Variants in LINGO1 observed in about 807,000 individuals in gnomAD.
LINGO1 encodes the protein leucine rich repeat and Ig domain containing 1.
Under a neutral mutation model 37.3 loss-of-function variants are expected in LINGO1, and 11 were observed. That is an observed-to-expected ratio of 0.29 (90% CI 0.19 to 0.49). LINGO1 has a LOEUF of 0.49. Ranked by LOEUF, LINGO1 falls within the 20% of genes least tolerant of loss-of-function variation. The pLI is 0.99. For missense variants in LINGO1, 585 were observed against 878.2 expected (o/e 0.67, Z 4.22); for synonymous variants, 387 against 403.0 (o/e 0.96, Z 0.48).
At chr15:77,692,890 C>T (rs2075628527) in intron 1 of LINGO1, among the ~76,000 whole-genome samples, 2 of 152,248 alleles carry the variant, frequency 1.3e-5, no homozygotes, top group Middle Eastern at 6.3e-3. Flanking sequence ...GCAACGGAGG[C>T]CCAAAAGGTG....
chr15:77,675,533 T>C (rs1325530957), intron 3 of LINGO1, among the ~76,000 whole-genome samples: 1 of 152,144 alleles, frequency 6.6e-6, no homozygotes. Context: ...ATATAACTAA[T>C]ATGAGCCCAT....
chr15:77,615,109 C>G lies in LINGO1; in HGVS notation c.798G>C (p.Thr266=). Residue 266 remains threonine, a synonymous_variant, in exon 2 of 2, where the codon ACG becomes ACC. Transcript: ENST00000355300. ...TPNCLYGLNL[T]SLSITHCNLT... ...GATTGCAGTGTGTGATGGACAGGGACGTCAGGTTGAGGCCGTAGAGGCAGT... is the reference window on the plus strand; with the variant it reads ...GATTGCAGTGTGTGATGGACAGGGAGGTCAGGTTGAGGCCGTAGAGGCAGT... The G allele has an allele frequency of 6.2e-7, 1 of 1,613,972 alleles. No individual in the cohort carries two copies. The highest frequency in any genetic ancestry group is 8.5e-7 in the Non-Finnish European group (1 of 1,179,882).
At chr15:77,777,675 C>T (rs1255677321) in intron 1 of LINGO1, among the ~76,000 whole-genome samples, 1 of 152,150 alleles carries the variant, frequency 6.6e-6, no homozygotes, top group South Asian at 2.1e-4. Flanking sequence ...GCCTGTAATC[C>T]TAGCACTTTG....
chr15:77,806,996 T>A (rs764388134), intron 1 of LINGO1, among the ~76,000 whole-genome samples: 1 of 152,132 alleles, frequency 6.6e-6, no homozygotes, highest in Non-Finnish European at 1.5e-5. Context: ...AAGCTCTCCC[T>A]AGTAGCTCAG....
chr15:77,647,637 C>G (rs914688472), intron 3 of LINGO1, among the ~76,000 whole-genome samples: 1 of 152,166 alleles, frequency 6.6e-6, no homozygotes, highest in African/African-American at 2.4e-5. Flanking sequence ...CAGGTCAGAG[C>G]AGGGGCTGGG....
At chr15:77,622,271 AAGAG>A (rs957515712) in intron 1 of LINGO1, among the ~76,000 whole-genome samples, 2 of 151,708 alleles carry the variant, frequency 1.3e-5, no homozygotes, top group Non-Finnish European at 2.9e-5. Context: ...AGAGGAGAGG[AAGAG>A]AGAGGCAGAG....
At chr15:77,763,064 C>T (rs138222278) in intron 1 of LINGO1, among the ~76,000 whole-genome samples, 106 of 152,132 alleles carry the variant, frequency 7.0e-4, no homozygotes, top group African/African-American at 2.4e-3. Flanking sequence ...CGCCCTCGCC[C>T]GGCTGGTGGA....
chr15:77,811,554 C>T (rs1732831183), intron 1 of LINGO1, among the ~76,000 whole-genome samples: 1 of 141,394 alleles, frequency 7.1e-6, no homozygotes, highest in Admixed American at 6.9e-5. Context: ...CTGCGGCTTG[C>T]TGGGCAGGGG....
chr15:77,816,137 C>T (rs1219813414), intron 1 of LINGO1, among the ~76,000 whole-genome samples: 1 of 152,242 alleles, frequency 6.6e-6, no homozygotes, highest in African/African-American at 2.4e-5. Flanking sequence ...GCCACTCCCC[C>T]ACTGAGCCTC....
intron 3 of LINGO1, among the ~76,000 whole-genome samples, chr15:77,672,084 C>T (rs2075260146): frequency 6.6e-6 from 1 of 151,496 alleles, no homozygotes; most frequent in South Asian, 2.1e-4. Context: ...CTAATAGATG[C>T]CAGTTCCCTC....
chr15:77,676,928 C>T (rs1276754610), intron 3 of LINGO1, among the ~76,000 whole-genome samples: 1 of 152,204 alleles, frequency 6.6e-6, no homozygotes, highest in Non-Finnish European at 1.5e-5. Context: ...CCCTCTGCTG[C>T]TAGGGCCTTC....
chr15:77,766,174 T>C (rs1351219567), intron 1 of LINGO1, among the ~76,000 whole-genome samples: 1 of 151,898 alleles, frequency 6.6e-6, no homozygotes, highest in African/African-American at 2.4e-5. Flanking sequence ...GGCATGCACC[T>C]GTAGTCCCAG....
At chr15:77,688,543 T>G (rs2075550830) in intron 2 of LINGO1, among the ~76,000 whole-genome samples, 1 of 152,098 alleles carries the variant, frequency 6.6e-6, no homozygotes. Flanking sequence ...GCGGCAGGCT[T>G]CAGTGTTGCT....
At chr15:77,623,576 A>G (rs906491247) in intron 1 of LINGO1, among the ~76,000 whole-genome samples, 31 of 152,150 alleles carry the variant, frequency 2.0e-4, no homozygotes, top group Non-Finnish European at 1.0e-4. Context: ...TCCTGCGCCC[A>G]GGCTGAGCTC....
chr15:77,776,526 AAGGGAGGGAGGGAGGGAGGG>A lies in LINGO1; in HGVS notation c.-257+10323_-257+10342del, dbSNP rs56325112. Among the ~76,000 whole-genome samples, 246 of 35,790 alleles carry A rather than the reference AAGGGAGGGAGGGAGGGAGGG, an allele frequency of 6.9e-3. 3 individuals are homozygous for A. The highest frequency in any genetic ancestry group is 0.023 in the African/African-American group (235 of 10,014). The allele number at this position is 35,790 out of a possible 152,430, so 23.5% of individuals were successfully genotyped here. A position where few individuals can be genotyped will look rare whatever the true frequency, so the allele number is the denominator to read the frequency against. The stretch of plus-strand genomic sequence containing the variant: ...GAAGGCAGGAAGGCAGGAAGGGAGG[AAGGGAGGGAGGGAGGGAGGG>A]AGGGAGGGAGGGAGCTGACTCTGGC... On this transcript the variant is annotated intron_variant, in intron 1 of 3. Transcript: ENST00000561686.
intron 1 of LINGO1, among the ~76,000 whole-genome samples, chr15:77,622,779 G>C (rs768167557): frequency 1.3e-5 from 2 of 152,194 alleles, no homozygotes; most frequent in Non-Finnish European, 2.9e-5. Context: ...TCCTTCTGTC[G>C]CAGCGGCCAA....
intron 1 of LINGO1, among the ~76,000 whole-genome samples, chr15:77,806,058 T>A (rs560122403): frequency 6.6e-6 from 1 of 152,234 alleles, no homozygotes; most frequent in South Asian, 2.1e-4. Context: ...AGCTATGGAC[T>A]GTGAGTCCAT....
intron 1 of LINGO1, among the ~76,000 whole-genome samples, chr15:77,776,642 T>C (rs1016867418): frequency 6.6e-6 from 1 of 151,934 alleles, no homozygotes; most frequent in Non-Finnish European, 1.5e-5. Context: ...TCCATGGCTG[T>C]GCAGGAGGCT....
intron 2 of LINGO1, among the ~76,000 whole-genome samples, chr15:77,704,340 A>G (rs1190060588): frequency 6.6e-6 from 1 of 152,178 alleles, no homozygotes; most frequent in Non-Finnish European, 1.5e-5. Context: ...CTGAGCTCCA[A>G]CCATGGCCAC....
Sources: gnomAD v4.1 joint callset for allele counts (sites outside exome capture counted in the v4.1 genomes callset) on GRCh38, gnomAD v4.1.1 for gene constraint, MANE v1.5 for transcripts, NCBI Gene and HGNC (gene_info 2026-07-23, HGNC 2026-07-21) for gene names.